CRACR2A: variants seen among roughly 807,000 people sequenced by gnomAD.
The protein encoded by CRACR2A is EF-hand calcium-binding domain-containing protein 4B.
Under a neutral mutation model 90.5 loss-of-function variants are expected in CRACR2A, and 79 were observed. The ratio of observed to expected loss-of-function variants is 0.87; its 90% CI spans 0.73 to 1.05. The LOEUF is 1.05. CRACR2A is among the 50% of genes least tolerant of loss of function. The pLI is 0.00. For missense variants in CRACR2A, 823 were observed against 897.2 expected (o/e 0.92, Z 1.06); for synonymous variants, 338 against 356.7 (o/e 0.95, Z 0.59).
At chr12:3,661,719 G>A (rs1945042576) in intron 7 of CRACR2A, among the ~76,000 whole-genome samples, 1 of 152,198 alleles carries the variant, frequency 6.6e-6, no homozygotes, top group South Asian at 2.1e-4. Context: ...ACCTTCCTGT[G>A]TTTGAAGAAA....
chr12:3,685,733 C>A (rs941906168), intron 4 of CRACR2A, among the ~76,000 whole-genome samples: 1 of 151,968 alleles, frequency 6.6e-6, no homozygotes. Context: ...TGGGAGTGGG[C>A]GAAATGAGGA....
intron 1 of CRACR2A, among the ~76,000 whole-genome samples, chr12:3,741,038 T>A (rs1176967763): frequency 6.6e-6 from 1 of 152,086 alleles, no homozygotes; most frequent in Non-Finnish European, 1.5e-5. Flanking sequence ...ACCCTCTACA[T>A]CCCTAGGCAA....
intron 1 of CRACR2A, among the ~76,000 whole-genome samples, chr12:3,750,485 T>C (rs935772287): frequency 1.3e-5 from 2 of 152,228 alleles, no homozygotes; most frequent in Admixed American, 1.3e-4. Context: ...CTTAAGATCC[T>C]GAATTCTGCA....
At chr12:3,751,139 T>A (rs570733897) in intron 1 of CRACR2A, among the ~76,000 whole-genome samples, 113 of 152,296 alleles carry the variant, frequency 7.4e-4, no homozygotes, top group African/African-American at 2.6e-3. Flanking sequence ...AACCTCTCTC[T>A]CAGTTTCCTC....
rs1325594429 is a variant in CRACR2A at position 3,654,391 on chromosome 12, A to T, written c.867T>A (p.Gly289=). The change falls in exon 10 of 20, where the codon GGT becomes GGA. Residue 289 remains glycine, a synonymous_variant. Coordinates refer to ENST00000440314, the MANE Select transcript of CRACR2A (RefSeq NM_001144958.2). ...QLTQKQKRLE[G]QCTALHHDKH... ...TGTCATGATGCAGGGCTGTGCACTG[A>T]CCTTCCAGCTGCAAAGGAATGGGGA... is the stretch of plus-strand genomic sequence containing the variant. 1.3e-6 allele frequency: 2 copies of T among 1,581,554 alleles called. No homozygotes were observed. The highest frequency in any genetic ancestry group is 1.4e-5 in the African/African-American group (1 of 72,872).
chr12:3,709,844 T>TA (rs1227612624), intron 3 of CRACR2A, among the ~76,000 whole-genome samples: 2 of 152,256 alleles, frequency 1.3e-5, no homozygotes, highest in African/African-American at 4.8e-5. Context: ...TAATGATTCT[T>TA]ACTTGCAGAA....
At chr12:3,621,674 A>G (rs894300771) in intron 17 of CRACR2A, among the ~76,000 whole-genome samples, 1 of 144,470 alleles carries the variant, frequency 6.9e-6, no homozygotes, top group Non-Finnish European at 1.5e-5. Flanking sequence ...AAAAAAAAAA[A>G]AAAAAAACCA....
chr12:3,679,162 C>T (rs1399866389), intron 5 of CRACR2A, 64 bp from the exon 6 acceptor site: 10 of 1,434,340 alleles, frequency 7.0e-6, no homozygotes, highest in Admixed American at 2.4e-5. Flanking sequence ...GCTCAGCTTT[C>T]TCACCTGCCA....
At chr12:3,615,589 TC>T (rs897237831) in intron 19 of CRACR2A, 150 bp from the exon 20 acceptor site, 58 of 628,578 alleles carry the variant, frequency 9.2e-5, no homozygotes, top group Admixed American at 1.2e-4. Context: ...GTCCTGAACA[TC>T]CCCCCCTGGA....
In CRACR2A at chr12:3,641,803, G is replaced by A; in HGVS notation, c.1200C>T (p.Ser400=). The A allele has an allele frequency of 6.4e-7, 1 of 1,551,668 alleles. No individual in the cohort carries two copies. Among genetic ancestry groups the A allele is most frequent in the Non-Finnish European group, 8.7e-7 (1 of 1,146,982 alleles). ...NKAAKANTAA[S]RASWKKRSGS... The stretch of plus-strand genomic sequence containing the variant: ...CAGATCTCTTTTTCCAACTTGCCCT[G>A]GAAGCAGCTGTGTTTGCCTTGGCTG... Residue 400 remains serine, a synonymous_variant, in exon 13 of 20, where the codon TCC becomes TCT. Coordinates refer to ENST00000440314, the MANE Select transcript of CRACR2A (RefSeq NM_001144958.2).
chr12:3,749,000 G>A (rs1341979177), intron 1 of CRACR2A, among the ~76,000 whole-genome samples: 1 of 152,218 alleles, frequency 6.6e-6, no homozygotes, highest in Non-Finnish European at 1.5e-5. Flanking sequence ...CGCTTACAGT[G>A]CAGGCTCTGA....
intron 4 of CRACR2A, among the ~76,000 whole-genome samples, chr12:3,693,220 C>T (rs1242703158): frequency 6.6e-6 from 1 of 152,226 alleles, no homozygotes; most frequent in African/African-American, 2.4e-5. Context: ...TGGCACATGG[C>T]CTTACGGGCT....
intron 12 of CRACR2A, among the ~76,000 whole-genome samples, chr12:3,643,812 TA>T (rs1565470827): frequency 9.2e-6 from 1 of 108,534 alleles, no homozygotes; most frequent in Non-Finnish European, 1.8e-5. Flanking sequence ...ATATTATATA[TA>T]TATTTATATT....
intron 7 of CRACR2A, among the ~76,000 whole-genome samples, chr12:3,660,516 G>A (rs1251902536): frequency 6.6e-6 from 1 of 151,978 alleles, no homozygotes; most frequent in Non-Finnish European, 1.5e-5. Flanking sequence ...CAGCCATGGG[G>A]ACAAGTTTTG....
At position 3,621,769 on chromosome 12, in the gene CRACR2A, G is replaced by A. The variant is rs554460266; in HGVS notation, c.1933-2397C>T. On this transcript the variant is annotated intron_variant, in intron 17 of 19. Transcript: ENST00000440314. ...AAGCAAAGCACTCAGCAGGAGCTGC[G>A]GTTTCTGTTCTTTGTATTGTTCCTC... Among the ~76,000 whole-genome samples, 14 of 151,232 alleles carry A rather than the reference G, an allele frequency of 9.3e-5. No homozygotes were observed. The East Asian group carries it at 9.7e-4, about 11-fold the overall frequency.
chr12:3,681,963 AGATT>A (rs1945463201), intron 4 of CRACR2A, among the ~76,000 whole-genome samples: 1 of 152,182 alleles, frequency 6.6e-6, no homozygotes, highest in African/African-American at 2.4e-5. Flanking sequence ...GAGTGTGCAA[AGATT>A]CTGGAAGTAT....
intron 17 of CRACR2A, among the ~76,000 whole-genome samples, chr12:3,624,634 C>G (rs1944220920): frequency 6.6e-6 from 1 of 152,204 alleles, no homozygotes; most frequent in South Asian, 2.1e-4. Context: ...TCCCAGAGCT[C>G]CTAGTGTGTG....
At chr12:3,712,106 T>G (rs1946013366) in intron 3 of CRACR2A, among the ~76,000 whole-genome samples, 1 of 152,224 alleles carries the variant, frequency 6.6e-6, no homozygotes, top group Non-Finnish European at 1.5e-5. Flanking sequence ...ATTCTCATCC[T>G]GTCTCAACCC....
chr12:3,633,205 C>G lies in CRACR2A; in HGVS notation c.1735+399G>C, dbSNP rs770471818. 2.0e-5 allele frequency among the ~76,000 whole-genome samples: 3 copies of G among 151,684 alleles called. No homozygotes were observed. The highest frequency in any genetic ancestry group is 4.4e-5 in the Non-Finnish European group (3 of 67,932). Reference sequence around the variant, plus strand: ...GGGAGGTGTGGCAGGATGTGGGTCTCGGGAGGAGTCCTGGTCAGTTCAGGG... The same window carrying G: ...GGGAGGTGTGGCAGGATGTGGGTCTGGGGAGGAGTCCTGGTCAGTTCAGGG... On this transcript the variant is annotated intron_variant, in intron 15 of 19. Transcript: ENST00000440314. The surrounding 1 kb of genome is among the most constrained non-coding windows in gnomAD (Gnocchi z 4.5).
Sources: allele counts gnomAD v4.1 joint callset (sites outside exome capture counted in the v4.1 genomes callset), GRCh38; gene constraint gnomAD v4.1.1; non-coding constraint Gnocchi (gnomAD v3.1); transcripts MANE v1.5; gene names NCBI Gene and HGNC (gene_info 2026-07-23, HGNC 2026-07-21).